PTBP2: variants seen among roughly 807,000 people sequenced by gnomAD.
PTBP2 encodes polypyrimidine tract-binding protein 2.
Under a neutral mutation model 61.4 loss-of-function variants are expected in PTBP2, and 13 were observed. That is an observed-to-expected ratio of 0.21 (90% CI 0.14 to 0.34). PTBP2 has a LOEUF of 0.34. Ranked by LOEUF, PTBP2 falls within the 10% of genes least tolerant of loss-of-function variation. The pLI, the probability that PTBP2 is intolerant of heterozygous loss-of-function variation, is 1.00. For missense variants in PTBP2, 405 were observed against 642.6 expected, an observed-to-expected ratio of 0.63 and a Z score of 4.00; for synonymous variants, 215 against 218.5, an observed-to-expected ratio of 0.98 and a Z score of 0.14.
chr1:96,801,329 C>T (rs1370726160), intron 8 of PTBP2, among the ~76,000 whole-genome samples: 1 of 151,758 alleles, frequency 6.6e-6, no homozygotes, highest in African/African-American at 2.4e-5. Flanking sequence ...TTTTAAATTC[C>T]TTAGTAATTT....
chr1:96,771,180 T>A (rs1182800210), intron 5 of PTBP2: 1 of 160,600 alleles, frequency 6.2e-6, no homozygotes, highest in Admixed American at 6.4e-5. Context: ...CTTTGGTTAT[T>A]TGATTTTTTT....
At chr1:96,754,572 G>A (rs1654946467) in intron 3 of PTBP2, among the ~76,000 whole-genome samples, 1 of 152,032 alleles carries the variant, frequency 6.6e-6, no homozygotes, top group Non-Finnish European at 1.5e-5. Flanking sequence ...AGCCAATAGA[G>A]GAAAAATTGG....
At chr1:96,785,007 T>A in intron 7 of PTBP2, 52 bp from the exon 8 acceptor site, 1 of 1,340,066 alleles carries the variant, frequency 7.5e-7, no homozygotes, top group Non-Finnish European at 1.0e-6. Flanking sequence ...ATACTTTCAC[T>A]AATTTTTATT....
At chr1:96,816,607 A>T (rs530140378), downstream of PTBP2, 6 of 152,320 alleles carry the variant, frequency 3.9e-5, no homozygotes, top group South Asian at 1.2e-3. Context: ...ATGAATCATT[A>T]TATTAGAGAT....
chr1:96,807,222 A>G (rs1371450383), intron 11 of PTBP2, among the ~76,000 whole-genome samples: 1 of 152,198 alleles, frequency 6.6e-6, no homozygotes, highest in African/African-American at 2.4e-5. Context: ...CATGAGAATT[A>G]TATCATTTAT....
intron 8 of PTBP2, among the ~76,000 whole-genome samples, chr1:96,785,659 G>A (rs1659133149): frequency 6.6e-6 from 1 of 152,128 alleles, no homozygotes; most frequent in African/African-American, 2.4e-5. Flanking sequence ...ATTTAGCATT[G>A]CATGGAAACA....
chr1:96,732,797 A>G (rs763395591), intron 2 of PTBP2, among the ~76,000 whole-genome samples: 1 of 152,156 alleles, frequency 6.6e-6, no homozygotes, highest in Non-Finnish European at 1.5e-5. Flanking sequence ...AGTTGTGTCT[A>G]TAGGTTGGCA....
intron 7 of PTBP2, among the ~76,000 whole-genome samples, chr1:96,781,013 G>A (rs1029214415): frequency 3.3e-5 from 5 of 151,894 alleles, no homozygotes; most frequent in Admixed American, 6.6e-5. Flanking sequence ...TGCAGTCTAA[G>A]CCAGTGTTAT....
intron 8 of PTBP2, among the ~76,000 whole-genome samples, chr1:96,789,662 A>C (rs1468361958): frequency 6.6e-6 from 1 of 152,062 alleles, no homozygotes; most frequent in Non-Finnish European, 1.5e-5. Context: ...TTACATTTGT[A>C]TGGGTTATTC....
At chr1:96,750,608 A>AT (rs962462882) in intron 2 of PTBP2, among the ~76,000 whole-genome samples, 10 of 151,710 alleles carry the variant, frequency 6.6e-5, no homozygotes, top group African/African-American at 1.5e-4. Context: ...TCCTTTGCAC[A>AT]TTTTTTTCAT....
At chr1:96,779,180 C>A (rs1658374545) in intron 7 of PTBP2, among the ~76,000 whole-genome samples, 1 of 151,146 alleles carries the variant, frequency 6.6e-6, no homozygotes, top group Non-Finnish European at 1.5e-5. Context: ...AATTAGAATT[C>A]TTTTTTTTTG....
intron 2 of PTBP2, among the ~76,000 whole-genome samples, chr1:96,750,123 G>C (rs1357817044): frequency 2.0e-5 from 3 of 151,780 alleles, no homozygotes; most frequent in African/African-American, 7.3e-5. Flanking sequence ...TATTCAGTAG[G>C]TCTGGGATTG....
rs762749559 is a variant in PTBP2, at chr1:96,766,784, G to A, written c.116-2919G>A. Among the ~76,000 whole-genome samples the A allele has an allele frequency of 9.9e-5, 15 of 152,088 alleles. 1 individual carries two copies. The highest frequency in any genetic ancestry group is 2.1e-4 in the Non-Finnish European group (14 of 67,980). On this transcript the variant is annotated intron_variant, in intron 3 of 13. Coordinates refer to ENST00000674951, the MANE Select transcript of PTBP2 (RefSeq NM_021190.4). ...ATGTTGATAGTTTACTACAGTAACTGGCTTGGTCTTTGGGAGAAGAGGACA... is the reference window on the plus strand; with the variant it reads ...ATGTTGATAGTTTACTACAGTAACTAGCTTGGTCTTTGGGAGAAGAGGACA...
At chr1:96,773,549 A>G (rs1479518092) in intron 5 of PTBP2, among the ~76,000 whole-genome samples, 3 of 151,994 alleles carry the variant, frequency 2.0e-5, no homozygotes, top group Non-Finnish European at 4.4e-5. Flanking sequence ...TTCAGAATGG[A>G]CAATTAGATT....
At chr1:96,769,034 A>T (rs1657077371) in intron 3 of PTBP2, among the ~76,000 whole-genome samples, 1 of 152,020 alleles carries the variant, frequency 6.6e-6, no homozygotes, top group African/African-American at 2.4e-5. Context: ...TCATTATAAG[A>T]TGATTAAATT....
chr1:96,803,262 AAG>A (rs779176214), intron 8 of PTBP2, among the ~76,000 whole-genome samples: 1 of 152,150 alleles, frequency 6.6e-6, no homozygotes, highest in Non-Finnish European at 1.5e-5. Flanking sequence ...TTAAGAATAA[AAG>A]GGGATGAAAC....
chr1:96,785,244 A>T lies in PTBP2; in HGVS notation c.894A>T (p.Thr298=), dbSNP rs142048957. The T allele has an allele frequency of 2.5e-6, 4 of 1,580,896 alleles. No individual in the cohort carries two copies. In the African/African-American group the frequency reaches 5.5e-5, roughly 22 times the overall value. ...TTGCTGCAGCATTTGCCAAGGAGAC[A>T]TCCCTCTTAGGTATGATTTTTATTG... ...PAIAAAFAKE[T]SLLAVPGALS... is the part of the protein sequence containing the mutation. The change falls in exon 8 of 14, where the codon ACA becomes ACT. Residue 298 remains threonine (T), a synonymous_variant. Coordinates refer to ENST00000674951, the MANE Select transcript of PTBP2 (RefSeq NM_021190.4).
chr1:96,721,995 A>G (rs1256800760), intron 1 of PTBP2, 123 bp downstream of exon 1: 3 of 1,284,248 alleles, frequency 2.3e-6, no homozygotes, highest in African/African-American at 1.5e-5. Flanking sequence ...CCGTTACCCA[A>G]CCCCCGCCCC....
At chr1:96,726,174 G>T (rs1570683610) in intron 2 of PTBP2, among the ~76,000 whole-genome samples, 1 of 129,886 alleles carries the variant, frequency 7.7e-6, no homozygotes, top group African/African-American at 2.8e-5. Flanking sequence ...TTAAAATTTT[G>T]TGCCTTTTTT....
Sources: gnomAD v4.1 joint callset for allele counts (sites outside exome capture counted in the v4.1 genomes callset) on GRCh38, gnomAD v4.1.1 for gene constraint, MANE v1.5 for transcripts, NCBI Gene and HGNC (gene_info 2026-07-23, HGNC 2026-07-21) for gene names.